SPAG8: variants seen among roughly 807,000 people sequenced by gnomAD.
SPAG8 encodes sperm associated antigen 8.
A neutral mutation model predicts 45.3 loss-of-function variants in SPAG8; 36 were observed. The observed-to-expected ratio is 0.80, with a 90% CI of 0.61 to 1.05. The LOEUF (loss-of-function observed/expected upper bound fraction) is 1.05, where lower values mean the gene tolerates loss of function less well. Ranked by LOEUF, SPAG8 falls within the 50% of genes least tolerant of loss-of-function variation. SPAG8 has a pLI of 0.00. For synonymous variants in SPAG8, 227 were observed against 232.6 expected (o/e 0.98, Z 0.22); for missense variants, 573 against 609.2 (o/e 0.94, Z 0.63).
chr9:35,810,820 T>C, intron 3 of SPAG8, 63 bp downstream of exon 3: 1 of 1,592,794 alleles, frequency 6.3e-7, no homozygotes, highest in South Asian at 1.1e-5. Flanking sequence ...CCACCAGAAA[T>C]TCCTTCCTCT....
downstream of SPAG8, chr9:35,808,197 T>C (rs928444245): frequency 1.9e-6 from 3 of 1,614,070 alleles, no homozygotes; most frequent in Middle Eastern, 1.6e-4. This position sits in a 1 kb window ranked among gnomAD's most constrained non-coding sequence, Gnocchi z 4.0. Context: ...CCTCTTGAGT[T>C]ACCGTTTTCT....
At chr9:35,809,561 C>CAA, downstream of SPAG8, 1 of 1,544,018 alleles carries the variant, frequency 6.5e-7, no homozygotes, top group Middle Eastern at 1.7e-4. This position sits in a 1 kb window ranked among gnomAD's most constrained non-coding sequence, Gnocchi z 4.1. Flanking sequence ...AAAACAGCCA[C>CAA]AAAAAAACCT....
At chr9:35,810,713 G>C (rs1202982326) in intron 3 of SPAG8, 31 bp from the exon 4 acceptor site, 2 of 1,613,980 alleles carry the variant, frequency 1.2e-6, no homozygotes, top group African/African-American at 1.3e-5. Flanking sequence ...GGGCAAGGTG[G>C]GGTCTGGTTA....
downstream of SPAG8, chr9:35,808,392 A>G: frequency 7.2e-7 from 1 of 1,398,154 alleles, no homozygotes; most frequent in Non-Finnish European, 1.0e-6. The surrounding 1 kb of genome is among the most constrained non-coding windows in gnomAD (Gnocchi z 4.0). Flanking sequence ...TCTAGTCAAT[A>G]TTCTGGTCTC....
downstream of SPAG8, chr9:35,808,672 G>A: frequency 6.2e-7 from 1 of 1,613,956 alleles, no homozygotes; most frequent in Non-Finnish European, 8.5e-7. This position sits in a 1 kb window ranked among gnomAD's most constrained non-coding sequence, Gnocchi z 4.0. Context: ...CTACGCATAG[G>A]GGTCCATACT....
In SPAG8 at chr9:35,811,838, C is replaced by T. The variant is rs781037590; in HGVS notation, c.208G>A (p.Ala70Thr). 1 of 1,612,170 alleles carries T rather than the reference C, an allele frequency of 6.2e-7. No homozygotes were observed. Among genetic ancestry groups the T allele is most frequent in the Non-Finnish European group, 8.5e-7 (1 of 1,178,414 alleles). Residue 70 changes from alanine (A) to threonine (T), a missense_variant, in exon 2 of 7, where the codon GCT becomes ACT. By Grantham distance (58) the Ala-to-Thr change is moderately conservative (BLOSUM62 0). Transcript: ENST00000396638. ...GCTGGGGTCTTTGTAGATAATGCAG[C>T]TGCTTTGGCAGTGGTGAAGGCTGCA... The part of the protein sequence containing the change: ...ATAAFTTAKA[A>T]ALSTKTPAPC...
At position 35,812,089 on chromosome 9, in the gene SPAG8, A is replaced by G; in HGVS notation, c.44+15T>C. Reference sequence around the variant, plus strand: ...CTCGTCCCCTTATGCCTGCAGCCAGAGCTGCGGCTCTCACCGCGACCGCGA... The same window carrying G: ...CTCGTCCCCTTATGCCTGCAGCCAGGGCTGCGGCTCTCACCGCGACCGCGA... On this transcript the variant is annotated intron_variant, in intron 1 of 6. Coordinates refer to ENST00000396638, the MANE Select transcript of SPAG8 (RefSeq NM_001039592.2). 1 of 1,611,986 alleles carries G rather than the reference A, an allele frequency of 6.2e-7. No individual in the cohort carries two copies. The highest frequency in any genetic ancestry group is 8.5e-7 in the Non-Finnish European group (1 of 1,179,948).
intron 4 of SPAG8, 38 bp from the exon 5 acceptor site, chr9:35,810,591 A>C (rs1316569531): frequency 6.2e-7 from 1 of 1,613,734 alleles, no homozygotes. Context: ...ATTCTCACCC[A>C]ATTTTTCTCC....
In SPAG8 at chr9:35,811,865, T is replaced by TAGCTGCAGCAGCTGATGCAGCCGCTGC. The variant is rs755134863; in HGVS notation, c.154_180dup (p.Ala52_Ala60dup). 5 of 1,610,594 alleles carry TAGCTGCAGCAGCTGATGCAGCCGCTGC rather than the reference T, an allele frequency of 3.1e-6. No individual in the cohort carries two copies. In the Admixed American group the frequency reaches 5.0e-5, roughly 16 times the overall value. On this transcript the variant is annotated inframe_insertion, in exon 2 of 7. Coordinates refer to ENST00000396638, the MANE Select transcript of SPAG8 (RefSeq NM_001039592.2). ...GCTTTGGCAGTGGTGAAGGCTGCAG[T>TAGCTGCAGCAGCTGATGCAGCCGCTGC]AGCTGCAGCAGCTGATGCAGCCGCT...
intron 6 of SPAG8, 43 bp downstream of exon 6, chr9:35,810,204 T>C (rs1828705879): frequency 1.2e-6 from 2 of 1,611,770 alleles, no homozygotes; most frequent in African/African-American, 2.7e-5. Context: ...GCCCTACCTT[T>C]CCTGCCCCGC....
Position 35,812,256 on chromosome 9 carries a change from G to A in SPAG8, c.-109C>T. 2 of 1,282,998 alleles carry A rather than the reference G, an allele frequency of 1.6e-6. No individual in the cohort carries two copies. The highest frequency in any genetic ancestry group is 2.2e-6 in the Non-Finnish European group (2 of 918,316). The allele number at this position is 1,282,998 out of a possible 1,614,324, so 79.5% of individuals were successfully genotyped here. A position where few individuals can be genotyped will look rare whatever the true frequency, so the allele number is the denominator to read the frequency against. On this transcript the variant is annotated 5_prime_UTR_variant, in exon 1 of 7. Coordinates refer to ENST00000396638, the MANE Select transcript of SPAG8 (RefSeq NM_001039592.2). ...AGGTGGCGGTGGAGGCAAGTCCTCT[G>A]CGGGGCGGAAGTCTTCAGCCTAGTG...
In SPAG8 at chr9:35,811,443, TGGACCAGGCCCAGAGG is replaced by T; in HGVS notation, c.587_602del (p.Ala196GlufsTer51). On this transcript the variant is annotated frameshift_variant, in exon 2 of 7. Coordinates refer to ENST00000396638, the MANE Select transcript of SPAG8 (RefSeq NM_001039592.2). LOFTEE classifies it high-confidence loss of function. Reference sequence around the variant, plus strand: ...TGAGCTCAGAGTCAGGGCCAGTGTCTGGACCAGGCCCAGAGGCAGGACCAGGATGAGAGCCAGAGCC... The same window carrying T: ...TGAGCTCAGAGTCAGGGCCAGTGTCTCAGGACCAGGATGAGAGCCAGAGCC... 1.2e-6 allele frequency: 2 copies of T among 1,613,998 alleles called. No individual in the cohort carries two copies. Among genetic ancestry groups the T allele is most frequent in the Non-Finnish European group, 1.7e-6 (2 of 1,179,962 alleles).
rs2132108804 is a variant in SPAG8, at chr9:35,810,275, AAG to A, written c.1233_1234del (p.Phe412LeufsTer13). On this transcript the variant is annotated frameshift_variant, in exon 6 of 7. Coordinates refer to ENST00000396638, the MANE Select transcript of SPAG8 (RefSeq NM_001039592.2). LOFTEE classifies it high-confidence loss of function. Reference sequence around the variant, plus strand: ...CAGCTGTGGTGCCCTCTGTATCCAGAAGGTCTCAGGTTGCTCCTGGCGGTAGT... The same window carrying A: ...CAGCTGTGGTGCCCTCTGTATCCAGAGTCTCAGGTTGCTCCTGGCGGTAGT... 6.2e-7 allele frequency: 1 copy of A among 1,614,106 alleles called. No homozygotes were observed. Among genetic ancestry groups the A allele is most frequent in the Admixed American group, 1.7e-5 (1 of 60,024 alleles).
At chr9:35,810,180 A>G (rs375579860) in intron 6 of SPAG8, 48 bp from the exon 7 acceptor site, 1 of 1,609,080 alleles carries the variant, frequency 6.2e-7, no homozygotes, top group African/African-American at 1.3e-5. Flanking sequence ...CCCAAGCCAG[A>G]ACAAAACAAC....
At chr9:35,808,550 C>T (rs372891937), downstream of SPAG8, 4 of 1,614,160 alleles carry the variant, frequency 2.5e-6, no homozygotes, top group Non-Finnish European at 2.5e-6. The surrounding 1 kb of genome is among the most constrained non-coding windows in gnomAD (Gnocchi z 4.0). Context: ...TATCTGGCCT[C>T]CCAGGCCGAA....
rs571991371 is a variant in SPAG8, at chr9:35,811,472, G to A, written c.574C>T (p.His192Tyr). ...GSGPGHGSGS[H>Y]PGPASGPGPD... ...CCAGGCCCAGAGGCAGGACCAGGAT[G>A]AGAGCCAGAGCCATGACCAGGACCA... The change falls in exon 2 of 7, where the codon CAT (histidine) becomes TAT (tyrosine). Residue 192 changes from histidine to tyrosine, a missense_variant. By Grantham distance (83) the His-to-Tyr change is moderately conservative (BLOSUM62 2). Transcript: ENST00000396638. 5.0e-6 allele frequency: 8 copies of A among 1,613,494 alleles called. No individual in the cohort carries two copies. In the South Asian group the frequency reaches 8.8e-5, roughly 18 times the overall value.
rs368428832 is a variant in SPAG8 at position 35,809,886 on chromosome 9, G to A, written c.*52C>T. 400 of 1,539,078 alleles carry A rather than the reference G, an allele frequency of 2.6e-4. 1 individual carries two copies. Among genetic ancestry groups the A allele is most frequent in the Middle Eastern group, 3.5e-4 (2 of 5,706 alleles). ...AATTAACTTCCTCCCGACCTCTCTA[G>A]TGCAGACAGAAATAGATTCCATATT... On this transcript the variant is annotated 3_prime_UTR_variant, in exon 7 of 7. Transcript: ENST00000396638. The surrounding 1 kb of genome is among the most constrained non-coding windows in gnomAD (Gnocchi z 4.1).
intron 3 of SPAG8, 54 bp downstream of exon 3, chr9:35,810,829 C>T: frequency 6.3e-7 from 1 of 1,596,714 alleles, no homozygotes; most frequent in Non-Finnish European, 8.6e-7. Context: ...ATTCCTTCCT[C>T]TTCTTCCCTC....
At chr9:35,809,078 T>G, downstream of SPAG8, 1 of 1,359,876 alleles carries the variant, frequency 7.4e-7, no homozygotes, top group South Asian at 1.2e-5. The surrounding 1 kb of genome is among the most constrained non-coding windows in gnomAD (Gnocchi z 4.1). Context: ...GGCACGGTGC[T>G]ATACAGTATC....
Sources: allele counts gnomAD v4.1 joint callset, GRCh38; gene constraint gnomAD v4.1.1; non-coding constraint Gnocchi (gnomAD v3.1); transcripts MANE v1.5; gene names NCBI Gene and HGNC (gene_info 2026-07-23, HGNC 2026-07-21).